The following BRSK1 variants were observed in gnomAD, a reference collection of about 807,000 sequenced individuals.
The protein encoded by BRSK1 is serine/threonine-protein kinase BRSK1.
In BRSK1, 17 loss-of-function variants were observed where a neutral mutation model predicts 86.2. The ratio of observed to expected loss-of-function variants is 0.20; its 90% CI spans 0.14 to 0.30. BRSK1 has a LOEUF of 0.30. BRSK1 is among the 10% of genes least tolerant of loss of function. BRSK1 has a pLI of 1.00. For synonymous variants in BRSK1, 464 were observed against 440.1 expected (o/e 1.05, Z -0.68); for missense variants, 719 against 1,071.9 (o/e 0.67, Z 4.60).
intron 18 of BRSK1, among the ~76,000 whole-genome samples, chr19:55,311,024 G>A (rs1444282398): frequency 6.6e-6 from 1 of 152,026 alleles, no homozygotes; most frequent in African/African-American, 2.4e-5. Flanking sequence ...GCAGTGGCGC[G>A]ATCTCAGCTC....
rs750465029 is a variant in BRSK1, at chr19:55,302,219, G to A, written c.857+51G>A. 1 of 1,608,368 alleles carries A rather than the reference G, an allele frequency of 6.2e-7. No individual in the cohort carries two copies. The highest frequency in any genetic ancestry group is 1.1e-5 in the South Asian group (1 of 90,980). On this transcript the variant is annotated intron_variant, in intron 9 of 18. Transcript: ENST00000309383. The surrounding 1 kb of genome is among the most constrained non-coding windows in gnomAD (Gnocchi z 6.3). ...GGGTCCCTGGCGGAAATAGGGGAGG[G>A]GCCAAAGCAGTAGAAGCGGCTGGGA...
Position 55,284,055 on chromosome 19 carries a change from G to A in BRSK1, c.-388G>A, listed in dbSNP as rs1600165345. ...CGAGGTGGCGGGGGGAGGCGGAGAG[G>A]AGGAGGAGGCGGAGGAGAGAGGGCG... On this transcript the variant is annotated 5_prime_UTR_variant, in exon 1 of 19. Transcript: ENST00000309383. 4.1e-6 allele frequency: 5 copies of A among 1,218,784 alleles called. No homozygotes were observed. The highest frequency in any genetic ancestry group is 8.0e-5 in the South Asian group (2 of 25,038). The allele number at this position is 1,218,784 out of a possible 1,614,324, so 75.5% of individuals were successfully genotyped here.
Position 55,308,667 on chromosome 19 carries a change from G to A in BRSK1, c.2118G>A (p.Val706=). The A allele has an allele frequency of 3.1e-6, 5 of 1,609,780 alleles. No homozygotes were observed. The highest frequency in any genetic ancestry group is 1.4e-5 in the African/African-American group (1 of 73,836). Residue 706 remains valine, a synonymous_variant, in exon 18 of 19, where the codon GTG becomes GTA. Coordinates refer to ENST00000309383, the MANE Select transcript of BRSK1 (RefSeq NM_032430.2). ...SGPSRRFKRV[V]ETIQAQLLST... is the part of the protein sequence containing the mutation. Reference sequence around the variant, plus strand: ...CCAGCCGTCGGTTCAAGCGAGTGGTGGAGACCATCCAGGCACAGCTCCTGA... The same window carrying A: ...CCAGCCGTCGGTTCAAGCGAGTGGTAGAGACCATCCAGGCACAGCTCCTGA...
intron 4 of BRSK1, among the ~76,000 whole-genome samples, chr19:55,292,008 C>T (rs996497182): frequency 2.6e-5 from 4 of 152,194 alleles, no homozygotes; most frequent in Admixed American, 2.6e-4. Context: ...GATCCACCCA[C>T]CTCGGCCTCC....
intron 14 of BRSK1, 36 bp from the exon 15 acceptor site, chr19:55,305,285 A>C: frequency 1.2e-6 from 2 of 1,612,598 alleles, no homozygotes; most frequent in Non-Finnish European, 1.7e-6. Context: ...GATGATGCAC[A>C]GGTGTTGACC....
chr19:55,290,994 C>T (rs547228308), intron 4 of BRSK1, among the ~76,000 whole-genome samples: 21 of 80,954 alleles, frequency 2.6e-4, no homozygotes, highest in Middle Eastern at 0.012. Flanking sequence ...AACTCAAGGT[C>T]ACTAAGGTCT....
intron 3 of BRSK1, among the ~76,000 whole-genome samples, chr19:55,289,020 G>A (rs1482111968): frequency 6.6e-6 from 1 of 152,184 alleles, no homozygotes; most frequent in Non-Finnish European, 1.5e-5. Flanking sequence ...CCTCACTCCA[G>A]AGGGAATTAG....
chr19:55,295,320 G>A (rs1444687986), intron 7 of BRSK1, among the ~76,000 whole-genome samples: 1 of 151,934 alleles, frequency 6.6e-6, no homozygotes, highest in Non-Finnish European at 1.5e-5. Flanking sequence ...ACAGGGTTTC[G>A]CCTTGTTTCC....
chr19:55,284,390 A>AG lies in BRSK1; in HGVS notation c.-53_-52insG, dbSNP rs2088276897. ...CGGCCCCCACCGGAGAGACGGGGCG[A>AG]CGGCCGCAGGGGGGGCGGCCGGGGG... On this transcript the variant is annotated 5_prime_UTR_variant, in exon 1 of 19. Transcript: ENST00000309383. 5 of 1,050,164 alleles carry AG rather than the reference A, an allele frequency of 4.8e-6. No homozygotes were observed. The highest frequency in any genetic ancestry group is 4.4e-5 in the Admixed American group (1 of 22,792). 65.1% of individuals were successfully genotyped at this position (1,050,164 alleles called of 1,614,324 possible).
Position 55,304,921 on chromosome 19 carries a change from G to T in BRSK1, c.1717+1G>T. 6.2e-7 allele frequency: 1 copy of T among 1,606,754 alleles called. No individual in the cohort carries two copies. ...CGCTTTCACCGGCGCAAGATGCAGGGTATGGGGGCATGAACTGCCGAGTCC... is the reference window on the plus strand; with the variant it reads ...CGCTTTCACCGGCGCAAGATGCAGGTTATGGGGGCATGAACTGCCGAGTCC... On this transcript the variant is annotated splice_donor_variant, in intron 14 of 18. Coordinates refer to ENST00000309383, the MANE Select transcript of BRSK1 (RefSeq NM_032430.2). LOFTEE classifies it high-confidence loss of function. This position sits in a 1 kb window ranked among gnomAD's most constrained non-coding sequence, Gnocchi z 5.2.
intron 1 of BRSK1, among the ~76,000 whole-genome samples, chr19:55,285,290 G>A (rs1469482474): frequency 6.6e-6 from 1 of 152,140 alleles, no homozygotes; most frequent in Non-Finnish European, 1.5e-5. Flanking sequence ...TGAGGGAGGA[G>A]GGCGGTCGGA....
At chr19:55,311,538 C>T (rs1006544599) in intron 18 of BRSK1, among the ~76,000 whole-genome samples, 4 of 152,116 alleles carry the variant, frequency 2.6e-5, no homozygotes, top group African/African-American at 9.7e-5. Flanking sequence ...AGTCGGGGGG[C>T]CCCTCTTGCT....
intron 1 of BRSK1, 140 bp from the exon 2 acceptor site, chr19:55,286,867 T>G: frequency 4.3e-6 from 3 of 697,216 alleles, no homozygotes; most frequent in South Asian, 1.7e-5. Context: ...GCCCCAGGAG[T>G]TCAGGTCTGA....
chr19:55,305,717 G>A, intron 16 of BRSK1, 131 bp downstream of exon 16: 1 of 1,404,218 alleles, frequency 7.1e-7, no homozygotes, highest in South Asian at 1.3e-5. Flanking sequence ...TTTATGGCCA[G>A]AGTTGGTTAG....
rs998108058 is a variant in BRSK1 at position 55,287,881 on chromosome 19, G to C, written c.317+582G>C. 5 of 157,652 alleles carry C rather than the reference G, an allele frequency of 3.2e-5. No homozygotes were observed. Among genetic ancestry groups the C allele is most frequent in the Admixed American group, 2.9e-4 (5 of 16,988 alleles). The allele number at this position is 157,652 out of a possible 1,614,324, so 9.8% of individuals were successfully genotyped here. A position where few individuals can be genotyped will look rare whatever the true frequency, so the allele number is the denominator to read the frequency against. On this transcript the variant is annotated intron_variant, in intron 3 of 18. Coordinates refer to ENST00000309383, the MANE Select transcript of BRSK1 (RefSeq NM_032430.2). This position sits in a 1 kb window ranked among gnomAD's most constrained non-coding sequence, Gnocchi z 5.3. ...TGGGCCTCTTTGTCCAAACTCTGGT[G>C]ACCCAAAGGACAGCTGGGCTGGGAA...
Position 55,311,939 on chromosome 19 carries a change from T to C in BRSK1, c.2208T>C (p.Pro736=). 6.2e-7 allele frequency: 1 copy of C among 1,611,502 alleles called. No individual in the cohort carries two copies. The highest frequency in any genetic ancestry group is 8.5e-7 in the Non-Finnish European group (1 of 1,179,162). Residue 736 remains proline (P), a synonymous_variant, in exon 19 of 19, where the codon CCT becomes CCC. Transcript: ENST00000309383. Reference sequence around the variant, plus strand: ...AGAAGAACGGGGCCCAGACCCGGCCTGCTGGTGCCCCACCCCGAAGCCTGC... The same window carrying C: ...AGAAGAACGGGGCCCAGACCCGGCCCGCTGGTGCCCCACCCCGAAGCCTGC... ...ADEKNGAQTR[P]AGAPPRSLQP...
At position 55,287,353 on chromosome 19, in the gene BRSK1, G is replaced by A; in HGVS notation, c.317+54G>A. 1 of 1,564,822 alleles carries A rather than the reference G, an allele frequency of 6.4e-7. No homozygotes were observed. Among genetic ancestry groups the A allele is most frequent in the East Asian group, 2.2e-5 (1 of 44,588 alleles). On this transcript the variant is annotated intron_variant, in intron 3 of 18. Transcript: ENST00000309383. The surrounding 1 kb of genome is among the most constrained non-coding windows in gnomAD (Gnocchi z 5.3). ...CCCATCCTCCCTCTCCAGGTTACCA[G>A]GGTGGGACTTCTCCAGAAACAGGGC...
Position 55,289,624 on chromosome 19 carries a change from A to T in BRSK1, c.458+4A>T, listed in dbSNP as rs1434040569. 1 of 1,613,388 alleles carries T rather than the reference A, an allele frequency of 6.2e-7. No individual in the cohort carries two copies. Among genetic ancestry groups the T allele is most frequent in the African/African-American group, 1.3e-5 (1 of 74,996 alleles). The stretch of plus-strand genomic sequence containing the variant: ...TCTGCCACAGCTACTCCATCTGGTG[A>T]GTGGGCAGCTTGAGGGGGAGGAGGG... On this transcript the variant is annotated splice_donor_region_variant and intron_variant, in intron 4 of 18. Transcript: ENST00000309383.
At chr19:55,301,769 T>A in intron 8 of BRSK1, 111 bp downstream of exon 8, 2 of 1,310,436 alleles carry the variant, frequency 1.5e-6, no homozygotes, top group Non-Finnish European at 1.0e-6. Context: ...GTCCCCAGGG[T>A]GACTGGGATC....
Sources: gnomAD v4.1 joint callset for allele counts (sites outside exome capture counted in the v4.1 genomes callset) on GRCh38, gnomAD v4.1.1 for gene constraint, Gnocchi (gnomAD v3.1) non-coding constraint, MANE v1.5 for transcripts, NCBI Gene and HGNC (gene_info 2026-07-23, HGNC 2026-07-21) for gene names.